Variants in FUNDC2 observed in about 807,000 individuals in gnomAD.
FUNDC2 encodes the protein FUN14 domain-containing protein 2.
In FUNDC2, 4 loss-of-function variants were observed where a neutral mutation model predicts 15.6. The observed-to-expected ratio is 0.26, with a 90% CI of 0.13 to 0.59. The LOEUF (loss-of-function observed/expected upper bound fraction) is 0.59. FUNDC2 is among the 20% of genes least tolerant of loss of function. The pLI, the probability that FUNDC2 is intolerant of heterozygous loss-of-function variation, is 0.90. For missense variants in FUNDC2, 98 were observed against 149.7 expected (o/e 0.65, Z 1.80); for synonymous variants, 44 against 56.9 (o/e 0.77, Z 1.02).
At chrX:155,046,061 T>C (rs1557290007) in intron 2 of FUNDC2, among the ~76,000 whole-genome samples, 1 of 110,084 alleles carries the variant, frequency 9.1e-6, no homozygotes, top group Non-Finnish European at 1.9e-5. Context: ...CAGGACAGAA[T>C]CTTGTGCCTT....
chrX:155,052,860 C>T (rs781915532), intron 4 of FUNDC2, among the ~76,000 whole-genome samples: 1 of 112,317 alleles, frequency 8.9e-6, no homozygotes, highest in Admixed American at 9.4e-5. Flanking sequence ...CATGGCTGGG[C>T]ACAGTGACTC....
chrX:155,040,788 A>T (rs2124191072), intron 2 of FUNDC2, among the ~76,000 whole-genome samples: 1 of 111,566 alleles, frequency 9.0e-6, no homozygotes, highest in East Asian at 2.8e-4. Context: ...CTTTTCATGT[A>T]CTTCCTGGCC....
At chrX:155,030,723 T>C (rs1449930306) in intron 1 of FUNDC2, among the ~76,000 whole-genome samples, 2 of 105,056 alleles carry the variant, frequency 1.9e-5, no homozygotes, top group Admixed American at 2.1e-4. Flanking sequence ...TTCGCTCTTG[T>C]TGCCCAGGAA....
chrX:155,032,911 A>G (rs1557288874), intron 1 of FUNDC2: 1 of 112,904 alleles, frequency 8.9e-6, no homozygotes, highest in Non-Finnish European at 1.9e-5. Context: ...CAGCGGCACT[A>G]TCTCGGCTCA....
At chrX:155,045,896 A>T (rs2073860609) in intron 2 of FUNDC2, among the ~76,000 whole-genome samples, 1 of 111,133 alleles carries the variant, frequency 9.0e-6, no homozygotes, top group African/African-American at 3.3e-5. Flanking sequence ...GAAACACATA[A>T]TTATATTAAA....
rs1349719248 is a variant in FUNDC2, at chrX:155,056,960, C to G, written c.*2288C>G. 2.7e-5 allele frequency: 3 copies of G among 109,738 alleles called. No individual in the cohort carries two copies. Among genetic ancestry groups the G allele is most frequent in the South Asian group, 3.8e-4 (1 of 2,636 alleles). The allele number at this position is 109,738 out of a possible 1,213,427, so 9.0% of individuals were successfully genotyped here. A position where few individuals can be genotyped will look rare whatever the true frequency, so the allele number is the denominator to read the frequency against. ...TGAATTAAGATCTGTAGGTAGGTCC[C>G]TCCTGAAGTTTTTTCCCAGCTGGCT... On this transcript the variant is annotated 3_prime_UTR_variant, in exon 5 of 5. Transcript: ENST00000369498.
chrX:155,038,719 G>A (rs2073839073), intron 2 of FUNDC2, among the ~76,000 whole-genome samples: 1 of 112,288 alleles, frequency 8.9e-6, no homozygotes, highest in South Asian at 3.7e-4. Flanking sequence ...ATTCCATTAT[G>A]TAATATACCA....
chrX:155,032,994 C>T (rs917883608), intron 1 of FUNDC2: 1 of 115,661 alleles, frequency 8.6e-6, no homozygotes, highest in South Asian at 3.3e-4. Flanking sequence ...TTACAGGTGC[C>T]TGCCACCACG....
At chrX:155,049,625 C>T (rs1429960862) in intron 3 of FUNDC2, 2 of 111,892 alleles carry the variant, frequency 1.8e-5, no homozygotes, top group African/African-American at 6.5e-5. Flanking sequence ...TATAAGAAAT[C>T]CTACTGGGAT....
At chrX:155,032,280 CTTTT>C (rs200923469) in intron 1 of FUNDC2, among the ~76,000 whole-genome samples, 1 of 62,747 alleles carries the variant, frequency 1.6e-5, no homozygotes, top group Non-Finnish European at 2.9e-5. Context: ...CTGGTGCCTT[CTTTT>C]TTTTTTTTTT....
chrX:155,056,098 A>G lies in FUNDC2; in HGVS notation c.*1426A>G, dbSNP rs782623463. ...ATCATCTCAAAACCATAATGGTATGAGCCTCTTTGCTGCATATTTTGCTAT... is the reference window on the plus strand; with the variant it reads ...ATCATCTCAAAACCATAATGGTATGGGCCTCTTTGCTGCATATTTTGCTAT... On this transcript the variant is annotated 3_prime_UTR_variant, in exon 5 of 5. Coordinates refer to ENST00000369498, the MANE Select transcript of FUNDC2 (RefSeq NM_023934.4). 17 of 111,846 alleles carry G rather than the reference A, an allele frequency of 1.5e-4. No homozygotes were observed. Among genetic ancestry groups the G allele is most frequent in the African/African-American group, 5.5e-4 (17 of 30,794 alleles). 9.2% of individuals were successfully genotyped at this position (111,846 alleles called of 1,213,427 possible).
intron 4 of FUNDC2, among the ~76,000 whole-genome samples, chrX:155,052,733 GC>G (rs782367069): frequency 8.9e-6 from 1 of 112,153 alleles, no homozygotes; most frequent in Non-Finnish European, 1.9e-5. Flanking sequence ...ATCTACAGGA[GC>G]CCAGAGCCCA....
intron 2 of FUNDC2, among the ~76,000 whole-genome samples, chrX:155,034,261 C>T (rs1260354837): frequency 8.9e-6 from 1 of 112,717 alleles, no homozygotes; most frequent in Non-Finnish European, 1.9e-5. Flanking sequence ...GGTTTACCTG[C>T]TTTCCACCTT....
chrX:155,046,904 A>T (rs1557290082), intron 3 of FUNDC2, among the ~76,000 whole-genome samples: 4 of 112,218 alleles, frequency 3.6e-5, no homozygotes, highest in Non-Finnish European at 7.5e-5. Flanking sequence ...GTGTGCTGTG[A>T]TGATTTAGTG....
intron 4 of FUNDC2, chrX:155,053,960 T>C (rs2073886144): frequency 1.3e-6 from 1 of 753,897 alleles, no homozygotes; most frequent in Non-Finnish European, 1.6e-6. Flanking sequence ...ATGTATGCAC[T>C]GAGTCTCAGA....
chrX:155,043,157 C>G (rs1424768868), intron 2 of FUNDC2, among the ~76,000 whole-genome samples: 1 of 111,474 alleles, frequency 9.0e-6, no homozygotes, highest in Non-Finnish European at 1.9e-5. Flanking sequence ...CCAGGCTGGC[C>G]TTAAACACCT....
chrX:155,054,886 C>A lies in FUNDC2; in HGVS notation c.*214C>A. Reference sequence around the variant, plus strand: ...GAGACAATAGTCCTTAGCTCTCCTCCCAGTACACCCCCTACTTGGCCAGTC... The same window carrying A: ...GAGACAATAGTCCTTAGCTCTCCTCACAGTACACCCCCTACTTGGCCAGTC... On this transcript the variant is annotated 3_prime_UTR_variant, in exon 5 of 5. Transcript: ENST00000369498. 5.0e-6 allele frequency: 2 copies of A among 400,215 alleles called. No individual in the cohort carries two copies. Among genetic ancestry groups the A allele is most frequent in the South Asian group, 1.1e-4 (2 of 19,008 alleles). The allele number at this position is 400,215 out of a possible 1,213,427, so 33.0% of individuals were successfully genotyped here. A position where few individuals can be genotyped will look rare whatever the true frequency, so the allele number is the denominator to read the frequency against.
In FUNDC2 at chrX:155,042,073, AAAAAAAAAAAAAAG is replaced by A. The variant is rs1244896646; in HGVS notation, c.285-4427_285-4414del. 6.5e-3 allele frequency among the ~76,000 whole-genome samples: 698 copies of A among 107,164 alleles called. 3 individuals carry two copies. The highest frequency in any genetic ancestry group is 0.015 in the Middle Eastern group (3 of 204). The allele number at this position is 107,164 out of a possible 115,157, so 93.1% of individuals were successfully genotyped here. A position where few individuals can be genotyped will look rare whatever the true frequency, so the allele number is the denominator to read the frequency against. On this transcript the variant is annotated intron_variant, in intron 2 of 4. Transcript: ENST00000369498. ...GACAGAGCGAGACTCCGTCTCAAAAAAAAAAAAAAAAAAGAAAAAAAAGAAAAAAAAGATTTCCT... is the reference window on the plus strand; with the variant it reads ...GACAGAGCGAGACTCCGTCTCAAAAAAAAAAAAAGAAAAAAAAGATTTCCT...
rs5945285 is a variant in FUNDC2 at position 155,056,023 on chromosome X, T to C, written c.*1351T>C. The C allele has an allele frequency of 8.9e-6, 1 of 112,387 alleles. No homozygotes were observed. The highest frequency in any genetic ancestry group is 3.6e-4 in the South Asian group (1 of 2,745). 9.3% of individuals were successfully genotyped at this position (112,387 alleles called of 1,213,427 possible). ...TACAGAAACCACCTATTTGCGTTTT[T>C]CTCCTTACATTTAAGGAAACATAAG... On this transcript the variant is annotated 3_prime_UTR_variant, in exon 5 of 5. Transcript: ENST00000369498.
Sources: allele counts gnomAD v4.1 joint callset (sites outside exome capture counted in the v4.1 genomes callset), GRCh38; gene constraint gnomAD v4.1.1; transcripts MANE v1.5; gene names NCBI Gene and HGNC (gene_info 2026-07-23, HGNC 2026-07-21).